Variants in BPTF observed in about 807,000 individuals in gnomAD.
BPTF encodes the protein nucleosome-remodeling factor subunit BPTF.
BPTF carries 18 observed loss-of-function variants against 292.5 expected under a neutral mutation model. The observed-to-expected ratio is 0.06, with a 90% CI of 0.04 to 0.09. BPTF has a LOEUF of 0.09. BPTF is among the 10% of genes least tolerant of loss of function. BPTF has a pLI of 1.00. For missense variants in BPTF, 2,726 were observed against 3,498.7 expected (o/e 0.78, Z 5.57); for synonymous variants, 1,225 against 1,251.9 (o/e 0.98, Z 0.45).
chr17:67,912,238 A>G lies in BPTF; in HGVS notation c.4354A>G (p.Ile1452Val), dbSNP rs369279593. ...AAATAAAATAATCCCTGAGAATGATATTAAATCATTGACTGTTAAAGAATC... is the reference window on the plus strand; with the variant it reads ...AAATAAAATAATCCCTGAGAATGATGTTAAATCATTGACTGTTAAAGAATC... ...NINKIIPEND[I>V]KSLTVKESAI... The change falls in exon 11 of 28, where the codon ATT becomes GTT. Residue 1452 changes from isoleucine to valine, a missense_variant. Physicochemically the swap from Ile to Val is conservative, Grantham distance 29. Around this residue, in one of 22 missense-constraint regions of BPTF, gnomAD observed 713 missense variants for 714.9 expected, o/e 1.00. Coordinates refer to ENST00000306378, the MANE Select transcript of BPTF (RefSeq NM_182641.4). The G allele has an allele frequency of 7.5e-6, 12 of 1,609,596 alleles. No individual in the cohort carries two copies. Among genetic ancestry groups the G allele is most frequent in the South Asian group, 1.1e-5 (1 of 90,406 alleles).
In BPTF at chr17:67,826,209, A is replaced by G. The variant is rs540533626; in HGVS notation, c.485A>G (p.Glu162Gly). The G allele has an allele frequency of 1.2e-6, 2 of 1,611,722 alleles. No homozygotes were observed. Among genetic ancestry groups the G allele is most frequent in the South Asian group, 2.2e-5 (2 of 90,982 alleles). ...AEETQDSEDD[E>G]EDEMEEDDDD... ...GAGACCCAGGATTCTGAGGACGACG[A>G]GGAGGATGAGATGGAAGAGGACGAC... The change falls in exon 1 of 28, where the codon GAG becomes GGG. Residue 162 changes from glutamate (E) to glycine (G), a missense_variant. Physicochemically the swap from Glu to Gly is moderately conservative, Grantham distance 98. Transcript: ENST00000306378.
chr17:67,915,125 C>CT (rs2062897557), intron 11 of BPTF, among the ~76,000 whole-genome samples: 8 of 152,142 alleles, frequency 5.3e-5, no homozygotes, highest in Admixed American at 5.2e-4. Flanking sequence ...CATGTATGAT[C>CT]TTTGTTATTA....
chr17:67,835,826 C>T (rs971433795), intron 1 of BPTF, among the ~76,000 whole-genome samples: 26 of 152,030 alleles, frequency 1.7e-4, no homozygotes, highest in African/African-American at 5.5e-4. Flanking sequence ...CCACCATGCC[C>T]GGCTAATTTT....
chr17:67,928,648 G>T, intron 16 of BPTF, 47 bp downstream of exon 16: 2 of 1,526,536 alleles, frequency 1.3e-6, no homozygotes, highest in South Asian at 1.3e-5. Context: ...TCAGGAAAAA[G>T]AATTTTCAAC....
intron 3 of BPTF, among the ~76,000 whole-genome samples, chr17:67,867,363 G>A (rs552099508): frequency 1.3e-5 from 2 of 152,264 alleles, no homozygotes; most frequent in African/African-American, 4.8e-5. Context: ...AAATTTTAGA[G>A]TATTTTTAGA....
chr17:67,958,470 G>A (rs1409913724), intron 23 of BPTF, among the ~76,000 whole-genome samples: 1 of 152,202 alleles, frequency 6.6e-6, no homozygotes, highest in Admixed American at 6.5e-5. Flanking sequence ...GCTCACACCT[G>A]TAATCCCAGG....
At chr17:67,969,497 G>A (rs1023864307) in intron 26 of BPTF, among the ~76,000 whole-genome samples, 24 of 145,832 alleles carry the variant, frequency 1.6e-4, no homozygotes, top group Admixed American at 8.2e-4. Flanking sequence ...TGCTTTTGGT[G>A]TGTTCTTGTA....
chr17:67,839,520 A>G (rs1311805180), intron 1 of BPTF, among the ~76,000 whole-genome samples: 1 of 152,246 alleles, frequency 6.6e-6, no homozygotes, highest in East Asian at 1.9e-4. Context: ...TCTTGATCCT[A>G]CTTTTTCATG....
chr17:67,877,276 C>T (rs1183646788), intron 4 of BPTF, among the ~76,000 whole-genome samples: 1 of 152,186 alleles, frequency 6.6e-6, no homozygotes, highest in African/African-American at 2.4e-5. Flanking sequence ...CACCTGCTTC[C>T]TTCTGTTTCT....
At chr17:67,859,320 A>AT (rs2058932914) in intron 2 of BPTF, among the ~76,000 whole-genome samples, 1 of 151,672 alleles carries the variant, frequency 6.6e-6, no homozygotes, top group South Asian at 2.1e-4. Context: ...TAATTTTTTT[A>AT]TTTTTTATTT....
chr17:67,910,818 A>T, intron 10 of BPTF, 59 bp from the exon 11 acceptor site: 1 of 1,235,320 alleles, frequency 8.1e-7, no homozygotes, highest in East Asian at 2.8e-5. Flanking sequence ...AAATATATAT[A>T]TATAAATTCC....
At chr17:67,843,606 A>G (rs1741943524) in intron 1 of BPTF, among the ~76,000 whole-genome samples, 1 of 149,384 alleles carries the variant, frequency 6.7e-6, no homozygotes, top group East Asian at 1.9e-4. Context: ...ATATATATGT[A>G]TAAATATCTG....
At chr17:67,929,685 A>G (rs2064194912) in intron 17 of BPTF, among the ~76,000 whole-genome samples, 198 bp downstream of exon 17, 1 of 152,240 alleles carries the variant, frequency 6.6e-6, no homozygotes, top group African/African-American at 2.4e-5. Context: ...TCTAACAGTT[A>G]ATGACACATT....
Position 67,911,809 on chromosome 17 carries a change from C to G in BPTF, c.3925C>G (p.Gln1309Glu). The G allele has an allele frequency of 6.2e-7, 1 of 1,614,092 alleles. No homozygotes were observed. Among genetic ancestry groups the G allele is most frequent in the Non-Finnish European group, 8.5e-7 (1 of 1,179,998 alleles). The change falls in exon 11 of 28, where the codon CAG (glutamine) becomes GAG (glutamate). Residue 1309 changes from glutamine (Q) to glutamate (E), a missense_variant. Transcript: ENST00000306378. ...TAGCAGTGAAGAAGATATGATTGTT[C>G]AGAATAGCAATGAAAGCATTTCTGA... is the stretch of plus-strand genomic sequence containing the variant. ...QDSSEEDMIV[Q>E]NSNESISEQF... is the part of the protein sequence containing the mutation.
intron 2 of BPTF, among the ~76,000 whole-genome samples, chr17:67,858,676 G>A (rs114438238): frequency 1.3e-5 from 2 of 152,042 alleles, no homozygotes; most frequent in South Asian, 4.1e-4. Context: ...GCAGTTAGCA[G>A]GTCACGTTCA....
At position 67,917,131 on chromosome 17, in the gene BPTF, CTTTTTTT is replaced by C. The variant is rs943348736; in HGVS notation, c.5304-1570_5304-1564del. Among the ~76,000 whole-genome samples the C allele has an allele frequency of 1.6e-3, 170 of 105,798 alleles. 7 individuals are homozygous for C. Among genetic ancestry groups the C allele is most frequent in the South Asian group, 3.0e-3 (10 of 3,346 alleles). 69.4% of individuals were successfully genotyped at this position (105,798 alleles called of 152,430 possible). The stretch of plus-strand genomic sequence containing the variant: ...GATAAGTAACTAATATGGTATTGTC[CTTTTTTT>C]TTTTTTTTTTTTGAGATAGAGTCTC... On this transcript the variant is annotated intron_variant, in intron 11 of 27. Coordinates refer to ENST00000306378, the MANE Select transcript of BPTF (RefSeq NM_182641.4).
intron 7 of BPTF, among the ~76,000 whole-genome samples, chr17:67,903,498 AAG>A (rs1204659704): frequency 2.6e-5 from 4 of 152,370 alleles, no homozygotes; most frequent in African/African-American, 9.6e-5. Context: ...GGACTATGTA[AAG>A]AGATACATAA....
intron 1 of BPTF, among the ~76,000 whole-genome samples, chr17:67,846,802 G>T (rs2058060744): frequency 6.6e-6 from 1 of 152,186 alleles, no homozygotes; most frequent in South Asian, 2.1e-4. Context: ...TTGGGTTCAA[G>T]CAATTCTAGT....
chr17:67,932,727 T>TA (rs1229774194), intron 18 of BPTF, among the ~76,000 whole-genome samples: 2 of 151,974 alleles, frequency 1.3e-5, no homozygotes, highest in African/African-American at 4.8e-5. Flanking sequence ...TTGAAAATGT[T>TA]AAAGATTTTT....
Sources: gnomAD v4.1 joint callset for allele counts (sites outside exome capture counted in the v4.1 genomes callset) on GRCh38, gnomAD v4.1.1 for gene constraint, gnomAD v4.1.1 regional missense constraint, MANE v1.5 for transcripts, NCBI Gene and HGNC (gene_info 2026-07-23, HGNC 2026-07-21) for gene names.